ZSWIM6: variants seen among roughly 807,000 people sequenced by gnomAD.
ZSWIM6 encodes zinc finger SWIM-type containing 6.
In ZSWIM6, 9 loss-of-function variants were observed where a neutral mutation model predicts 113.2. The ratio of observed to expected loss-of-function variants is 0.08; its 90% CI spans 0.05 to 0.14. The LOEUF (loss-of-function observed/expected upper bound fraction) is 0.14, where lower values mean the gene tolerates loss of function less well. Among genes scored for constraint, ZSWIM6 ranks in the 10% least tolerant of loss-of-function variants. The probability of loss-of-function intolerance (pLI) is 1.00; values close to 1 mark genes in which losing one functional copy is unlikely to be tolerated. For synonymous variants in ZSWIM6, 611 were observed against 606.5 expected (o/e 1.01, Z -0.11); for missense variants, 1,162 against 1,552.2 (o/e 0.75, Z 4.22).
chr5:61,468,777 G>C (rs1187018974), intron 1 of ZSWIM6, among the ~76,000 whole-genome samples: 2 of 152,066 alleles, frequency 1.3e-5, no homozygotes, highest in Non-Finnish European at 2.9e-5. Flanking sequence ...AGAATGAGTT[G>C]GTAGAATTTC....
chr5:61,411,716 G>A (rs2112114175), intron 1 of ZSWIM6, among the ~76,000 whole-genome samples: 1 of 152,246 alleles, frequency 6.6e-6, no homozygotes, highest in East Asian at 1.9e-4. Flanking sequence ...TTCCTGGATG[G>A]CACCTTCTTG....
At chr5:61,424,894 A>C (rs1240329037) in intron 1 of ZSWIM6, among the ~76,000 whole-genome samples, 1 of 151,838 alleles carries the variant, frequency 6.6e-6, no homozygotes, top group African/African-American at 2.4e-5. Flanking sequence ...CGCCCGTCTA[A>C]TTTTTGTATT....
At chr5:61,388,966 C>T (rs1745645903) in intron 1 of ZSWIM6, among the ~76,000 whole-genome samples, 1 of 152,124 alleles carries the variant, frequency 6.6e-6, no homozygotes, top group Admixed American at 6.5e-5. Flanking sequence ...ATCAGTGTTT[C>T]TTTATTCTTT....
intron 4 of ZSWIM6, among the ~76,000 whole-genome samples, chr5:61,497,128 T>C (rs566822793): frequency 1.3e-5 from 2 of 150,862 alleles, no homozygotes; most frequent in African/African-American, 4.9e-5. Flanking sequence ...AAAAAAAGAT[T>C]CCTGGCATGA....
chr5:61,410,375 T>G (rs1176288055), intron 1 of ZSWIM6, among the ~76,000 whole-genome samples: 1 of 150,498 alleles, frequency 6.6e-6, no homozygotes, highest in East Asian at 2.0e-4. Flanking sequence ...AGTGGTGCGA[T>G]CTCGGCTCAC....
At chr5:61,429,444 C>T (rs565426802) in intron 1 of ZSWIM6, among the ~76,000 whole-genome samples, 8 of 152,120 alleles carry the variant, frequency 5.3e-5, no homozygotes, top group Non-Finnish European at 8.8e-5. Context: ...AGGGGAAGGC[C>T]TTGGCAAAAT....
At chr5:61,445,651 CTATT>C (rs1182581214) in intron 1 of ZSWIM6, among the ~76,000 whole-genome samples, 6 of 152,108 alleles carry the variant, frequency 3.9e-5, no homozygotes, top group Non-Finnish European at 5.9e-5. Flanking sequence ...AACAAAATGA[CTATT>C]TATAGAACCA....
intron 2 of ZSWIM6, among the ~76,000 whole-genome samples, chr5:61,488,966 G>A (rs1748103936): frequency 6.6e-6 from 1 of 151,854 alleles, no homozygotes; most frequent in South Asian, 2.1e-4. Flanking sequence ...AAGTTGTCAT[G>A]AATTCCCATT....
At chr5:61,339,063 G>A (rs1408715472) in intron 1 of ZSWIM6, among the ~76,000 whole-genome samples, 5 of 152,238 alleles carry the variant, frequency 3.3e-5, no homozygotes, top group South Asian at 2.1e-4. Flanking sequence ...CATATGGAAA[G>A]ATATGGACCA....
chr5:61,477,125 A>G lies in ZSWIM6; in HGVS notation c.1033+4088A>G, dbSNP rs75599395. On this transcript the variant is annotated intron_variant, in intron 2 of 13. Transcript: ENST00000252744. ...CTTTCTGGCACATATTTCCTCTCCT[A>G]CGGCTTTTCGTACACTAATCTTCCT... is the stretch of plus-strand genomic sequence containing the variant. 6.7e-3 allele frequency among the ~76,000 whole-genome samples: 1,017 copies of G among 152,232 alleles called. 4 individuals are homozygous for G. Among genetic ancestry groups the G allele is most frequent in the South Asian group, 0.021 (101 of 4,824 alleles).
At chr5:61,351,817 A>G (rs1744791260) in intron 1 of ZSWIM6, among the ~76,000 whole-genome samples, 1 of 152,272 alleles carries the variant, frequency 6.6e-6, no homozygotes, top group East Asian at 1.9e-4. Flanking sequence ...TTTGTACCAT[A>G]GAGCGCCATT....
At chr5:61,537,226 C>G (rs937734875) in intron 10 of ZSWIM6, among the ~76,000 whole-genome samples, 1 of 152,156 alleles carries the variant, frequency 6.6e-6, no homozygotes, top group African/African-American at 2.4e-5. Flanking sequence ...TTATATTTGT[C>G]CTTGGTTGCT....
intron 1 of ZSWIM6, among the ~76,000 whole-genome samples, chr5:61,359,876 G>A (rs1250468655): frequency 6.6e-6 from 1 of 152,106 alleles, no homozygotes; most frequent in Non-Finnish European, 1.5e-5. Flanking sequence ...CCTACCATTA[G>A]ATAGATGTTT....
intron 2 of ZSWIM6, among the ~76,000 whole-genome samples, chr5:61,479,170 CAAAA>C (rs1237501407): frequency 8.6e-6 from 1 of 115,776 alleles, no homozygotes; most frequent in Admixed American, 9.0e-5. Context: ...GACTCTGTCT[CAAAA>C]AAAAAAAAAG....
At chr5:61,395,928 G>A (rs1393951242) in intron 1 of ZSWIM6, among the ~76,000 whole-genome samples, 1 of 151,834 alleles carries the variant, frequency 6.6e-6, no homozygotes, top group Non-Finnish European at 1.5e-5. Flanking sequence ...TTTATGGGAG[G>A]TATTGATTTA....
intron 1 of ZSWIM6, among the ~76,000 whole-genome samples, chr5:61,441,048 C>T (rs373457937): frequency 1.3e-5 from 2 of 152,074 alleles, no homozygotes; most frequent in South Asian, 4.1e-4. Flanking sequence ...TGAAATAGAT[C>T]ATACAGGTAA....
At chr5:61,424,797 G>A (rs1042213260) in intron 1 of ZSWIM6, among the ~76,000 whole-genome samples, 3 of 148,288 alleles carry the variant, frequency 2.0e-5, no homozygotes, top group Non-Finnish European at 4.4e-5. Context: ...GTGCGATCTC[G>A]GCTCACTGTA....
At chr5:61,356,186 G>A (rs1001536258) in intron 1 of ZSWIM6, among the ~76,000 whole-genome samples, 2 of 152,128 alleles carry the variant, frequency 1.3e-5, no homozygotes, top group Non-Finnish European at 2.9e-5. Context: ...CTGCAGCCCC[G>A]AACTCGGGTT....
chr5:61,530,330 A>G (rs1271704151), intron 8 of ZSWIM6, 132 bp downstream of exon 8: 5 of 907,970 alleles, frequency 5.5e-6, no homozygotes, highest in Non-Finnish European at 6.2e-6. Flanking sequence ...CAAGAGAGCA[A>G]GAAAATGGGC....
Sources: allele counts gnomAD v4.1 joint callset (sites outside exome capture counted in the v4.1 genomes callset), GRCh38; gene constraint gnomAD v4.1.1; transcripts MANE v1.5; gene names NCBI Gene and HGNC (gene_info 2026-07-23, HGNC 2026-07-21).